The following ENOX2 variants were observed in gnomAD, a reference collection of about 807,000 sequenced individuals.
The protein encoded by ENOX2 is APK1 antigen.
In ENOX2, 36 loss-of-function variants were observed where a neutral mutation model predicts 45.0. The observed-to-expected ratio is 0.80, with a 90% CI of 0.61 to 1.06. The LOEUF is 1.06. Among genes scored for constraint, ENOX2 ranks in the 50% least tolerant of loss-of-function variants. The probability of loss-of-function intolerance (pLI) is 0.00; values close to 1 mark genes in which losing one functional copy is unlikely to be tolerated. For missense variants in ENOX2, 423 were observed against 462.5 expected, an observed-to-expected ratio of 0.91 and a Z score of 0.78; for synonymous variants, 174 against 152.3, an observed-to-expected ratio of 1.14 and a Z score of -1.05.
intron 2 of ENOX2, among the ~76,000 whole-genome samples, chrX:130,883,365 C>T (rs775907320): frequency 3.6e-5 from 4 of 111,565 alleles, no homozygotes; most frequent in African/African-American, 1.3e-4. Context: ...CCCCCCTCGG[C>T]CTCCCAAAGT....
chrX:130,714,124 AC>A (rs974470384), intron 3 of ENOX2, among the ~76,000 whole-genome samples: 5 of 111,357 alleles, frequency 4.5e-5, no homozygotes, highest in Non-Finnish European at 7.5e-5. Flanking sequence ...AGGAAAAAAA[AC>A]CCCACATCAG....
intron 9 of ENOX2, among the ~76,000 whole-genome samples, chrX:130,664,173 A>G (rs2036772580): frequency 8.9e-6 from 1 of 112,320 alleles, no homozygotes; most frequent in Non-Finnish European, 1.9e-5. Flanking sequence ...GCCAGAATTG[A>G]TGGCTCAGAT....
At chrX:130,877,329 C>T (rs989247891) in intron 2 of ENOX2, among the ~76,000 whole-genome samples, 4 of 111,860 alleles carry the variant, frequency 3.6e-5, no homozygotes, top group Admixed American at 9.5e-5. Context: ...GGTAGCATTT[C>T]GTAAATGTTA....
At chrX:130,775,069 C>T (rs2039821168) in intron 3 of ENOX2, among the ~76,000 whole-genome samples, 1 of 112,112 alleles carries the variant, frequency 8.9e-6, no homozygotes, top group Admixed American at 9.4e-5. Context: ...TGGGCTTTCA[C>T]CCCTGCTTGT....
intron 2 of ENOX2, among the ~76,000 whole-genome samples, chrX:130,824,338 T>G (rs1167764883): frequency 8.9e-6 from 1 of 111,869 alleles, no homozygotes; most frequent in Non-Finnish European, 1.9e-5. Context: ...CTTTAGTTAG[T>G]TTTCTTCAAG....
intron 2 of ENOX2, among the ~76,000 whole-genome samples, chrX:130,791,459 T>C (rs919258841): frequency 2.7e-5 from 3 of 111,857 alleles, no homozygotes; most frequent in African/African-American, 9.8e-5. Flanking sequence ...CAACTTACGA[T>C]TTTTCAACTT....
At chrX:130,710,237 C>T (rs1474459636) in intron 3 of ENOX2, among the ~76,000 whole-genome samples, 1 of 111,853 alleles carries the variant, frequency 8.9e-6, no homozygotes, top group Non-Finnish European at 1.9e-5. Flanking sequence ...AGTTATATAG[C>T]TAGCTTGCAG....
intron 3 of ENOX2, among the ~76,000 whole-genome samples, chrX:130,715,752 C>T (rs2038314321): frequency 9.0e-6 from 1 of 111,173 alleles, no homozygotes; most frequent in South Asian, 3.8e-4. Context: ...CTAGTCCTGG[C>T]CCAACATTTA....
chrX:130,827,267 T>C (rs2077735998), intron 2 of ENOX2, among the ~76,000 whole-genome samples: 1 of 111,933 alleles, frequency 8.9e-6, no homozygotes, highest in Non-Finnish European at 1.9e-5. Flanking sequence ...TGGGTTGATA[T>C]CTAAGTGTAG....
intron 3 of ENOX2, among the ~76,000 whole-genome samples, chrX:130,756,580 G>A (rs942768882): frequency 1.8e-5 from 2 of 111,980 alleles, no homozygotes; most frequent in Non-Finnish European, 3.8e-5. Context: ...CTTCTGACCC[G>A]AGGGGCCCTC....
intron 3 of ENOX2, among the ~76,000 whole-genome samples, chrX:130,714,018 A>T (rs750678236): frequency 9.0e-6 from 1 of 111,165 alleles, no homozygotes; most frequent in Non-Finnish European, 1.9e-5. Flanking sequence ...TAAGTTCCCA[A>T]AGCTCTGTGG....
chrX:130,803,532 G>A (rs1336655766), intron 2 of ENOX2, among the ~76,000 whole-genome samples: 4 of 112,056 alleles, frequency 3.6e-5, no homozygotes, highest in African/African-American at 1.3e-4. Flanking sequence ...AAGCCAGAAA[G>A]TGACATATGT....
intron 14 of ENOX2, among the ~76,000 whole-genome samples, chrX:130,626,113 G>A (rs1383649690): frequency 2.7e-5 from 3 of 111,694 alleles, no homozygotes; most frequent in Non-Finnish European, 5.6e-5. Context: ...ACCCAGAGTT[G>A]GTGTCACAGT....
At chrX:130,902,726 A>C (rs1358449055) in intron 1 of ENOX2, among the ~76,000 whole-genome samples, 3 of 102,407 alleles carry the variant, frequency 2.9e-5, no homozygotes, top group Non-Finnish European at 5.9e-5. Flanking sequence ...CTGGACGCAA[A>C]CCCCAACTTC....
At chrX:130,720,475 G>A (rs1386942880) in intron 3 of ENOX2, among the ~76,000 whole-genome samples, 3 of 112,155 alleles carry the variant, frequency 2.7e-5, no homozygotes, top group Non-Finnish European at 3.8e-5. Flanking sequence ...TCACCCTCTC[G>A]GCTGTAGTGA....
intron 2 of ENOX2, among the ~76,000 whole-genome samples, chrX:130,814,006 G>C (rs952354036): frequency 4.4e-4 from 49 of 112,284 alleles, no homozygotes; most frequent in African/African-American, 1.6e-3. Flanking sequence ...TGAAATTCTC[G>C]CTGCTAGCAC....
intron 5 of ENOX2, among the ~76,000 whole-genome samples, chrX:130,686,196 A>G (rs1170631394): frequency 9.0e-6 from 1 of 110,584 alleles, no homozygotes; most frequent in Non-Finnish European, 1.9e-5. Flanking sequence ...GAATTGTAAT[A>G]CCCCATGTTA....
chrX:130,652,971 G>A (rs922485995), intron 10 of ENOX2, among the ~76,000 whole-genome samples: 7 of 112,102 alleles, frequency 6.2e-5, no homozygotes, highest in South Asian at 3.7e-4. Context: ...ATACATTTCC[G>A]TCATTTAAGC....
intron 2 of ENOX2, among the ~76,000 whole-genome samples, chrX:130,854,650 G>C (rs188174500): frequency 3.3e-3 from 362 of 110,449 alleles, no homozygotes; most frequent in African/African-American, 0.011. Context: ...AGCAGCAAGA[G>C]AGAAACAACA....
Sources: allele counts gnomAD v4.1 joint callset (sites outside exome capture counted in the v4.1 genomes callset), GRCh38; gene constraint gnomAD v4.1.1; transcripts MANE v1.5; gene names NCBI Gene and HGNC (gene_info 2026-07-23, HGNC 2026-07-21).